TMEM116: variants seen among roughly 807,000 people sequenced by gnomAD.
TMEM116 encodes transmembrane protein 116.
In TMEM116, 38 loss-of-function variants were observed where a neutral mutation model predicts 44.3. The ratio of observed to expected loss-of-function variants is 0.86; its 90% CI spans 0.66 to 1.12. The LOEUF (loss-of-function observed/expected upper bound fraction) is 1.12. TMEM116 is among the 50% of genes most tolerant of loss of function. The pLI is 0.00. For synonymous variants in TMEM116, 132 were observed against 144.8 expected (o/e 0.91, Z 0.64); for missense variants, 354 against 401.7 (o/e 0.88, Z 1.01).
chr12:111,936,001 T>C (rs987491597), intron 8 of TMEM116: 1 of 152,192 alleles, frequency 6.6e-6, no homozygotes, highest in African/African-American at 2.4e-5. Context: ...CATAACTGTA[T>C]CTAGTTCACA....
intron 4 of TMEM116, among the ~76,000 whole-genome samples, chr12:111,963,587 C>T (rs141601263): frequency 6.6e-6 from 1 of 152,166 alleles, no homozygotes; most frequent in Non-Finnish European, 1.5e-5. Flanking sequence ...AAACCAAACA[C>T]CACATGTTCT....
At chr12:112,003,750 A>G in intron 3 of TMEM116, 50 bp downstream of exon 3, 1 of 1,488,482 alleles carries the variant, frequency 6.7e-7, no homozygotes, top group Non-Finnish European at 8.8e-7. Flanking sequence ...TTTGTTTCAG[A>G]GACTAGGTCA....
chr12:111,997,128 TG>T (rs1180801634), intron 3 of TMEM116, among the ~76,000 whole-genome samples: 1 of 152,240 alleles, frequency 6.6e-6, no homozygotes, highest in Non-Finnish European at 1.5e-5. Context: ...GGTATATGTC[TG>T]GAAGTACAGG....
chr12:112,005,985 T>G (rs556005165), intron 1 of TMEM116: 80 of 985,846 alleles, frequency 8.1e-5, no homozygotes, highest in Admixed American at 8.0e-4. Flanking sequence ...TAGCGTCTAG[T>G]GGAAAGGTCA....
chr12:111,944,803 T>C (rs1179499595), intron 4 of TMEM116, among the ~76,000 whole-genome samples: 1 of 152,152 alleles, frequency 6.6e-6, no homozygotes, highest in East Asian at 1.9e-4. Context: ...GTTTGTTTGC[T>C]TTCTCATCAA....
At position 112,003,878 on chromosome 12, in the gene TMEM116, A is replaced by T; in HGVS notation, c.15-15T>A. 1 of 1,490,448 alleles carries T rather than the reference A, an allele frequency of 6.7e-7. No homozygotes were observed. The highest frequency in any genetic ancestry group is 8.8e-7 in the Non-Finnish European group (1 of 1,131,712). The allele number at this position is 1,490,448 out of a possible 1,614,324, so 92.3% of individuals were successfully genotyped here. On this transcript the variant is annotated splice_polypyrimidine_tract_variant and intron_variant, in intron 2 of 10. Coordinates refer to ENST00000552374, the MANE Select transcript of TMEM116 (RefSeq NM_001193531.2). The stretch of plus-strand genomic sequence containing the variant: ...AACCTATAACACTGAGAAATTTAGA[A>T]GATGATTGATCATTAAAGCAGGACA...
At chr12:111,956,218 G>C (rs12579298) in intron 4 of TMEM116, among the ~76,000 whole-genome samples, 1 of 151,878 alleles carries the variant, frequency 6.6e-6, no homozygotes. Context: ...AATCAAACAG[G>C]AACTCAATAA....
At chr12:111,974,876 T>C (rs1278840160) in intron 4 of TMEM116, among the ~76,000 whole-genome samples, 1 of 152,032 alleles carries the variant, frequency 6.6e-6, no homozygotes, top group Non-Finnish European at 1.5e-5. Context: ...CAATTGGAAT[T>C]TGAAATTTAA....
At chr12:111,932,093 T>C (rs2071698621) in intron 10 of TMEM116, among the ~76,000 whole-genome samples, 1 of 152,088 alleles carries the variant, frequency 6.6e-6, no homozygotes, top group Non-Finnish European at 1.5e-5. Flanking sequence ...TATTGCCTCA[T>C]TTTCCAGGGT....
chr12:111,960,211 C>T lies in TMEM116; in HGVS notation c.211-16842G>A, dbSNP rs998269278. The stretch of plus-strand genomic sequence containing the variant: ...ATTAAGAAACTCACTCAGAATCGGC[C>T]GGGCACAGTGGCTCATGCCTGTAAT... On this transcript the variant is annotated intron_variant, in intron 4 of 10. Transcript: ENST00000552374. 1.1e-4 allele frequency among the ~76,000 whole-genome samples: 17 copies of T among 152,118 alleles called. 1 individual carries two copies. The highest frequency in any genetic ancestry group is 8.3e-4 in the South Asian group (4 of 4,814).
intron 4 of TMEM116, among the ~76,000 whole-genome samples, chr12:111,955,262 T>C (rs571839529): frequency 6.6e-5 from 10 of 152,268 alleles, no homozygotes; most frequent in African/African-American, 2.2e-4. Flanking sequence ...CCCAGTCCCG[T>C]AGCCCACTCT....
At chr12:111,941,020 AAGGATATAT>A (rs1185554700) in intron 5 of TMEM116, among the ~76,000 whole-genome samples, 4 of 152,216 alleles carry the variant, frequency 2.6e-5, no homozygotes, top group Non-Finnish European at 4.4e-5. Context: ...CAGAATACTA[AAGGATATAT>A]AGCCACGGGT....
intron 4 of TMEM116, among the ~76,000 whole-genome samples, chr12:111,960,515 A>G (rs1263746326): frequency 2.0e-5 from 3 of 149,740 alleles, no homozygotes; most frequent in Admixed American, 6.6e-5. Flanking sequence ...AAAAAAAAAA[A>G]AAAGAAACTC....
In TMEM116 at chr12:112,006,949, AC is replaced by A. The variant is rs201877688; in HGVS notation, c.-33-1647del. ...AAATTACAGTCCAAAACAAAACAAA[AC>A]AAAAAACAGCCAGATGCAATGTCAT... On this transcript the variant is annotated intron_variant, in intron 1 of 10. Transcript: ENST00000552374. 5.7e-3 allele frequency among the ~76,000 whole-genome samples: 861 copies of A among 152,300 alleles called. 5 individuals carry two copies. The highest frequency in any genetic ancestry group is 0.011 in the Admixed American group (163 of 15,302).
rs915769201 is a variant in TMEM116 at position 111,957,886 on chromosome 12, T to C, written c.211-14517A>G. Among the ~76,000 whole-genome samples, 4 of 152,364 alleles carry C rather than the reference T, an allele frequency of 2.6e-5. No homozygotes were observed. The South Asian group carries it at 6.2e-4, about 24-fold the overall frequency. ...AGATCAGATTGTTATTGTGTCTGTG[T>C]AGAAAGAAGTAGACATAGGAGACTC... is the stretch of plus-strand genomic sequence containing the variant. On this transcript the variant is annotated intron_variant, in intron 4 of 10. Transcript: ENST00000552374.
At chr12:111,940,474 T>C (rs868527726) in intron 5 of TMEM116, among the ~76,000 whole-genome samples, 1,997 of 106,932 alleles carry the variant, frequency 0.019, 22 homozygotes, top group African/African-American at 0.037. Context: ...CATATATATA[T>C]ATACATACAC....
rs935405969 is a variant in TMEM116, at chr12:111,978,804, C to T, written c.210+12954G>A. The T allele has an allele frequency of 9.2e-5, 40 of 432,570 alleles. 1 individual carries two copies. The highest frequency in any genetic ancestry group is 1.5e-4 in the Non-Finnish European group (32 of 214,232). 26.8% of individuals were successfully genotyped at this position (432,570 alleles called of 1,614,324 possible). On this transcript the variant is annotated intron_variant, in intron 4 of 10. Coordinates refer to ENST00000552374, the MANE Select transcript of TMEM116 (RefSeq NM_001193531.2). ...CCTCCAGAACTGTAAGAAATAAATG[C>T]CTGTTGTTTAAGTCACACATTGTAT...
chr12:112,004,095 C>T (rs1033810161), intron 2 of TMEM116, among the ~76,000 whole-genome samples: 1 of 152,188 alleles, frequency 6.6e-6, no homozygotes, highest in Non-Finnish European at 1.5e-5. Context: ...ATCCTCCTGT[C>T]TCAGCCTCCT....
At chr12:111,942,058 C>T (rs1162551788) in intron 5 of TMEM116, among the ~76,000 whole-genome samples, 1 of 152,042 alleles carries the variant, frequency 6.6e-6, no homozygotes, top group Non-Finnish European at 1.5e-5. Flanking sequence ...CCTGCCTCAG[C>T]CTCCCAAATA....
Sources: gnomAD v4.1 joint callset for allele counts (sites outside exome capture counted in the v4.1 genomes callset) on GRCh38, gnomAD v4.1.1 for gene constraint, MANE v1.5 for transcripts, NCBI Gene and HGNC (gene_info 2026-07-23, HGNC 2026-07-21) for gene names.